LINGO2: variants seen among roughly 807,000 people sequenced by gnomAD.
LINGO2 encodes leucine-rich repeat and immunoglobulin-like domain-containing nogo receptor-interacting protein 2.
In LINGO2, 14 loss-of-function variants were observed where a neutral mutation model predicts 30.6. The ratio of observed to expected loss-of-function variants is 0.46; its 90% confidence interval spans 0.30 to 0.72. The LOEUF (loss-of-function observed/expected upper bound fraction) is 0.72, where lower values mean the gene tolerates loss of function less well. LINGO2 is among the 30% of genes least tolerant of loss of function. The pLI, the probability that LINGO2 is intolerant of heterozygous loss-of-function variation, is 0.07. For missense variants in LINGO2, 729 were observed against 751.7 expected, an observed-to-expected ratio of 0.97 and a Z score of 0.35; for synonymous variants, 317 against 288.5, an observed-to-expected ratio of 1.10 and a Z score of -1.00.
chr9:28,381,570 G>T (rs551278857), intron 2 of LINGO2, among the ~76,000 whole-genome samples: 1 of 152,128 alleles, frequency 6.6e-6, no homozygotes, highest in Non-Finnish European at 1.5e-5. Context: ...AACCATATTT[G>T]TGTCTGAATC....
intron 3 of LINGO2, among the ~76,000 whole-genome samples, chr9:28,298,632 G>A (rs571638528): frequency 5.3e-4 from 80 of 150,778 alleles, no homozygotes; most frequent in Non-Finnish European, 7.5e-4. Flanking sequence ...GTGGTGAGCC[G>A]AGATTGTGCC....
the LINGO2 span, among the ~76,000 whole-genome samples, chr9:28,743,780 G>A: frequency 6.6e-6 from 1 of 151,488 alleles, no homozygotes; most frequent in Non-Finnish European, 1.5e-5. Context: ...TGACTATAAT[G>A]TATCTGCCTA....
At chr9:28,136,840 G>T (rs557361095) in intron 4 of LINGO2, among the ~76,000 whole-genome samples, 1 of 152,100 alleles carries the variant, frequency 6.6e-6, no homozygotes, top group Admixed American at 6.5e-5. Flanking sequence ...ATTTGAACTG[G>T]TAAAGTGAGT....
the LINGO2 span, among the ~76,000 whole-genome samples, chr9:29,011,623 A>T: frequency 2.0e-5 from 3 of 152,220 alleles, no homozygotes; most frequent in Non-Finnish European, 2.9e-5. Flanking sequence ...AAACATTAAC[A>T]TATAAAAAGT....
intron 2 of LINGO2, among the ~76,000 whole-genome samples, chr9:28,441,458 G>T (rs1564201323): frequency 6.7e-6 from 1 of 149,742 alleles, no homozygotes; most frequent in African/African-American, 2.5e-5. Flanking sequence ...CTTCATGTTA[G>T]TTCTCAAGCT....
At chr9:28,830,911 C>T in the LINGO2 span, among the ~76,000 whole-genome samples, 1 of 152,148 alleles carries the variant, frequency 6.6e-6, no homozygotes, top group Admixed American at 6.5e-5. Flanking sequence ...CAAACACACA[C>T]ACAGACACTC....
chr9:28,769,324 AT>A, the LINGO2 span, among the ~76,000 whole-genome samples: 1 of 150,414 alleles, frequency 6.6e-6, no homozygotes, highest in Non-Finnish European at 1.5e-5. Context: ...ATAGGAAAAT[AT>A]CCCCTTAATT....
chr9:29,171,092 G>C, the LINGO2 span, among the ~76,000 whole-genome samples: 2 of 152,150 alleles, frequency 1.3e-5, no homozygotes, highest in South Asian at 4.1e-4. Flanking sequence ...TGTAGTACCG[G>C]ACATGCAGTA....
intron 3 of LINGO2, among the ~76,000 whole-genome samples, chr9:28,306,852 A>G (rs781611981): frequency 3.3e-5 from 5 of 152,220 alleles, no homozygotes; most frequent in African/African-American, 1.2e-4. Flanking sequence ...ATTCCTTGAC[A>G]CATACACCTT....
the LINGO2 span, among the ~76,000 whole-genome samples, chr9:28,689,963 A>G: frequency 6.6e-6 from 1 of 152,138 alleles, no homozygotes; most frequent in African/African-American, 2.4e-5. Flanking sequence ...CAGCAAACCA[A>G]TGCAGAAACA....
intron 4 of LINGO2, among the ~76,000 whole-genome samples, chr9:28,152,915 T>C (rs2133562738): frequency 6.6e-6 from 1 of 152,216 alleles, no homozygotes; most frequent in South Asian, 2.1e-4. Context: ...CAACATAAAC[T>C]GATGGGCAAC....
At chr9:28,733,151 A>C in the LINGO2 span, among the ~76,000 whole-genome samples, 5 of 152,298 alleles carry the variant, frequency 3.3e-5, no homozygotes, top group Admixed American at 1.3e-4. Context: ...GTTTAACTTC[A>C]GCCTTAGAAA....
chr9:28,001,602 T>C (rs1238722376), intron 5 of LINGO2, among the ~76,000 whole-genome samples: 2 of 152,160 alleles, frequency 1.3e-5, no homozygotes, highest in Non-Finnish European at 2.9e-5. Flanking sequence ...GCTTTTCCTA[T>C]ATTGTTGCAA....
intron 3 of LINGO2, among the ~76,000 whole-genome samples, chr9:28,351,521 C>G (rs1164506979): frequency 2.7e-5 from 4 of 148,134 alleles, no homozygotes; most frequent in African/African-American, 1.0e-4. Flanking sequence ...GCTTACCAAC[C>G]AAAAAGAGTC....
intron 1 of LINGO2, among the ~76,000 whole-genome samples, chr9:28,561,778 TATAAAA>T (rs1563826627): frequency 2.7e-5 from 3 of 113,008 alleles, no homozygotes; most frequent in African/African-American, 1.4e-4. Flanking sequence ...TATATATATA[TATAAAA>T]AATATGCTAC....
intron 5 of LINGO2, among the ~76,000 whole-genome samples, chr9:27,979,559 T>C (rs1820758304): frequency 6.6e-6 from 1 of 151,958 alleles, no homozygotes; most frequent in South Asian, 2.1e-4. Flanking sequence ...ATCTTGCAAA[T>C]TATATTTTAT....
At chr9:28,649,706 T>C (rs915923212) in intron 1 of LINGO2, among the ~76,000 whole-genome samples, 2 of 151,788 alleles carry the variant, frequency 1.3e-5, no homozygotes, top group Non-Finnish European at 2.9e-5. Flanking sequence ...GGGAAAAAAA[T>C]TGTAAAAGCT....
the LINGO2 span, among the ~76,000 whole-genome samples, chr9:28,973,885 A>G: frequency 2.6e-5 from 4 of 152,196 alleles, no homozygotes; most frequent in Admixed American, 2.6e-4. Flanking sequence ...GTCCTACAAG[A>G]TATGTTAAAG....
chr9:28,118,584 T>C (rs957048761), intron 4 of LINGO2, among the ~76,000 whole-genome samples: 3 of 152,150 alleles, frequency 2.0e-5, no homozygotes, highest in African/African-American at 7.2e-5. Context: ...GAGAAGATAG[T>C]TCAGTGTGAT....
Sources: gnomAD v4.1 joint callset for allele counts (sites outside exome capture counted in the v4.1 genomes callset) on GRCh38, gnomAD v4.1.1 for gene constraint, MANE v1.5 for transcripts, NCBI Gene and HGNC (gene_info 2026-07-23, HGNC 2026-07-21) for gene names.